MAGI2: variants seen among roughly 807,000 people sequenced by gnomAD.
MAGI2 encodes the protein membrane associated guanylate kinase, WW and PDZ domain containing 2, also known as membrane-associated guanylate kinase, WW and PDZ domain-containing protein 2.
In MAGI2, 35 loss-of-function variants were observed where a neutral mutation model predicts 133.3. The ratio of observed to expected loss-of-function variants is 0.26; its 90% CI spans 0.20 to 0.35. The LOEUF (loss-of-function observed/expected upper bound fraction) is 0.35. Ranked by LOEUF, MAGI2 falls within the 10% of genes least tolerant of loss-of-function variation. The pLI is 1.00. For missense variants in MAGI2, 1,636 were observed against 1,863.4 expected, an observed-to-expected ratio of 0.88 and a Z score of 2.25; for synonymous variants, 729 against 710.6, an observed-to-expected ratio of 1.03 and a Z score of -0.41.
intron 2 of MAGI2, among the ~76,000 whole-genome samples, chr7:78,681,840 G>T (rs957174104): frequency 2.0e-5 from 3 of 152,064 alleles, no homozygotes; most frequent in African/African-American, 7.2e-5. Context: ...GCATAAATGT[G>T]TTTCTCATAA....
At chr7:79,250,871 T>C (rs1383955038) in intron 1 of MAGI2, among the ~76,000 whole-genome samples, 1 of 152,138 alleles carries the variant, frequency 6.6e-6, no homozygotes, top group Non-Finnish European at 1.5e-5. Context: ...ACCAAGACAG[T>C]GTGGTACTGG....
chr7:78,199,694 C>T (rs1008559196), intron 11 of MAGI2, among the ~76,000 whole-genome samples: 4 of 152,212 alleles, frequency 2.6e-5, no homozygotes, highest in Non-Finnish European at 5.9e-5. Context: ...AGCCTTCTAC[C>T]TTCCTTTGTC....
chr7:79,220,644 C>T (rs930316100), intron 1 of MAGI2, among the ~76,000 whole-genome samples: 3 of 152,122 alleles, frequency 2.0e-5, no homozygotes, highest in East Asian at 1.9e-4. Context: ...AGCTAATGCT[C>T]GGGGGCTAAA....
chr7:78,560,241 T>C (rs147801005), intron 3 of MAGI2, among the ~76,000 whole-genome samples: 45 of 152,296 alleles, frequency 3.0e-4, no homozygotes, highest in Non-Finnish European at 4.9e-4. Flanking sequence ...GTTAGGACTA[T>C]ACATTCATTT....
intron 3 of MAGI2, among the ~76,000 whole-genome samples, chr7:78,575,646 G>A (rs1476117847): frequency 6.6e-6 from 1 of 152,122 alleles, no homozygotes; most frequent in African/African-American, 2.4e-5. Context: ...ATAAAATGAT[G>A]AGAATGGCAC....
intron 3 of MAGI2, among the ~76,000 whole-genome samples, chr7:78,558,376 T>C (rs1277062156): frequency 3.3e-5 from 5 of 152,230 alleles, no homozygotes; most frequent in African/African-American, 1.2e-4. Context: ...AGTTTTTATT[T>C]TGATCTTAAG....
At chr7:79,215,045 AC>A (rs1829906268) in intron 1 of MAGI2, among the ~76,000 whole-genome samples, 3 of 151,494 alleles carry the variant, frequency 2.0e-5, no homozygotes, top group Non-Finnish European at 4.4e-5. Flanking sequence ...AATTGAATAG[AC>A]CCCCTCTAAG....
At chr7:78,158,451 A>G (rs1462101852) in intron 16 of MAGI2, 2 of 152,116 alleles carry the variant, frequency 1.3e-5, no homozygotes, top group Non-Finnish European at 2.9e-5. Flanking sequence ...GTTGTATAGG[A>G]TCATAGAACC....
intron 6 of MAGI2, among the ~76,000 whole-genome samples, chr7:78,426,324 G>A (rs974951656): frequency 2.3e-4 from 35 of 152,068 alleles, no homozygotes; most frequent in African/African-American, 7.5e-4. Context: ...GGATGAAATC[G>A]GAAATTATCA....
intron 2 of MAGI2, among the ~76,000 whole-genome samples, chr7:78,817,016 T>C (rs1789639958): frequency 6.6e-6 from 1 of 152,174 alleles, no homozygotes; most frequent in Non-Finnish European, 1.5e-5. Context: ...ATTAAGAACA[T>C]TCATGATTCA....
Position 79,267,947 on chromosome 7 carries a change from G to A in MAGI2, c.301+185073C>T, listed in dbSNP as rs145577897. Among the ~76,000 whole-genome samples the A allele has an allele frequency of 4.3e-4, 65 of 152,228 alleles. No homozygotes were observed. In the East Asian group the frequency reaches 0.012, roughly 28 times the overall value. ...TTTGGAAATTAAATGGGACTGGAGG[G>A]CAGGCAATAGCTTCTGAAAAAGCCT... On this transcript the variant is annotated intron_variant, in intron 1 of 21. Transcript: ENST00000354212.
intron 2 of MAGI2, among the ~76,000 whole-genome samples, chr7:78,770,506 T>TG: frequency 6.6e-6 from 1 of 152,244 alleles, no homozygotes; most frequent in African/African-American, 2.4e-5. Flanking sequence ...TGTTTACATT[T>TG]CACAATAACC....
chr7:78,507,009 G>T (rs940638914), intron 4 of MAGI2, among the ~76,000 whole-genome samples: 8 of 152,138 alleles, frequency 5.3e-5, no homozygotes, highest in African/African-American at 1.2e-4. Context: ...CAGTTTATCT[G>T]TTTATTCATT....
chr7:79,338,374 A>G (rs1221551629), intron 1 of MAGI2, among the ~76,000 whole-genome samples: 3 of 152,130 alleles, frequency 2.0e-5, no homozygotes, highest in Non-Finnish European at 4.4e-5. Flanking sequence ...GACTTTGAGG[A>G]CTGTCACTCA....
chr7:78,739,443 G>A (rs1271129758), intron 2 of MAGI2, among the ~76,000 whole-genome samples: 1 of 152,138 alleles, frequency 6.6e-6, no homozygotes, highest in East Asian at 1.9e-4. Context: ...GATAGAACGA[G>A]GTGCCACTAC....
chr7:78,909,534 C>T (rs529038034), intron 2 of MAGI2, among the ~76,000 whole-genome samples: 23 of 135,974 alleles, frequency 1.7e-4, no homozygotes, highest in Middle Eastern at 4.2e-3. Flanking sequence ...ACCCAGGAGG[C>T]GGAGCTTGCA....
chr7:78,055,941 T>C (rs1474109811), intron 21 of MAGI2, among the ~76,000 whole-genome samples: 1 of 152,312 alleles, frequency 6.6e-6, no homozygotes, highest in East Asian at 1.9e-4. Context: ...TGTCTTTTTT[T>C]TAATTATTGT....
At chr7:79,105,046 A>G (rs927062349) in intron 1 of MAGI2, among the ~76,000 whole-genome samples, 1 of 152,212 alleles carries the variant, frequency 6.6e-6, no homozygotes, top group African/African-American at 2.4e-5. Flanking sequence ...AATAAACAAC[A>G]TGTTTTGCTC....
At chr7:78,670,170 A>G (rs1229751766) in intron 2 of MAGI2, among the ~76,000 whole-genome samples, 1 of 151,844 alleles carries the variant, frequency 6.6e-6, no homozygotes, top group Non-Finnish European at 1.5e-5. Context: ...TATCTAGAAA[A>G]CCCCATTGTC....
Sources: allele counts gnomAD v4.1 joint callset (sites outside exome capture counted in the v4.1 genomes callset), GRCh38; gene constraint gnomAD v4.1.1; transcripts MANE v1.5; gene names NCBI Gene and HGNC (gene_info 2026-07-23, HGNC 2026-07-21).